ZNF560: variants seen among roughly 807,000 people sequenced by gnomAD.
The protein encoded by ZNF560 is zinc finger protein 560.
In ZNF560, 54 loss-of-function variants were observed where a neutral mutation model predicts 81.8. The observed-to-expected ratio is 0.66, with a 90% CI of 0.53 to 0.83. The LOEUF (loss-of-function observed/expected upper bound fraction) is 0.83. Among genes scored for constraint, ZNF560 ranks in the 40% least tolerant of loss-of-function variants. The pLI, the probability that ZNF560 is intolerant of heterozygous loss-of-function variation, is 0.00. For synonymous variants in ZNF560, 321 were observed against 317.9 expected (o/e 1.01, Z -0.10); for missense variants, 940 against 932.4 (o/e 1.01, Z -0.11).
At chr19:9,501,247 C>A (rs1331804444), upstream of ZNF560, among the ~76,000 whole-genome samples, 1 of 146,434 alleles carries the variant, frequency 6.8e-6, no homozygotes, top group Admixed American at 7.0e-5. Flanking sequence ...GCAGTCTTGA[C>A]CACCACAGGC....
upstream of ZNF560, among the ~76,000 whole-genome samples, chr19:9,502,189 A>ATGTTT (rs1008085842): frequency 1.3e-5 from 2 of 150,542 alleles, no homozygotes; most frequent in East Asian, 3.9e-4. Flanking sequence ...GTGTTCTCTC[A>ATGTTT]TGTTTTGTTT....
chr19:9,474,697 C>T (rs1342606366), intron 3 of ZNF560, among the ~76,000 whole-genome samples: 1 of 151,964 alleles, frequency 6.6e-6, no homozygotes. Context: ...CTTGCTCTGT[C>T]ACGTAGGCTG....
At chr19:9,463,447 A>T (rs1479111177), downstream of ZNF560, among the ~76,000 whole-genome samples, 1 of 152,178 alleles carries the variant, frequency 6.6e-6, no homozygotes, top group Non-Finnish European at 1.5e-5. Context: ...TTTCAGGAAT[A>T]ACCTATAGGT....
chr19:9,450,703 T>G, the ZNF560 span, among the ~76,000 whole-genome samples: 1 of 152,168 alleles, frequency 6.6e-6, no homozygotes, highest in Non-Finnish European at 1.5e-5. Flanking sequence ...ATAATTTTTA[T>G]ATTTTTAGTA....
At chr19:9,498,914 T>C (rs1460000666), upstream of ZNF560, 4 of 152,268 alleles carry the variant, frequency 2.6e-5, no homozygotes, top group Non-Finnish European at 4.4e-5. Context: ...CGTCGGGCGA[T>C]GGACTCGCCC....
chr19:9,474,175 T>C, intron 4 of ZNF560, 24 bp downstream of exon 4: 1 of 1,613,852 alleles, frequency 6.2e-7, no homozygotes, highest in Non-Finnish European at 8.5e-7. Flanking sequence ...CCTAAGAGGC[T>C]GCATAAAATG....
intron 2 of ZNF560, among the ~76,000 whole-genome samples, chr19:9,489,249 G>A (rs971925872): frequency 5.3e-5 from 8 of 151,708 alleles, no homozygotes; most frequent in Non-Finnish European, 7.4e-5. Context: ...ACAGTGGGGC[G>A]GCCAGGCAGA....
At chr19:9,449,766 C>T in the ZNF560 span, among the ~76,000 whole-genome samples, 5 of 151,556 alleles carry the variant, frequency 3.3e-5, no homozygotes, top group East Asian at 1.9e-4. Context: ...GTGAGGAGTT[C>T]GAGACCATCC....
At chr19:9,502,778 T>C (rs1188583410), upstream of ZNF560, among the ~76,000 whole-genome samples, 3 of 152,216 alleles carry the variant, frequency 2.0e-5, no homozygotes, top group Non-Finnish European at 4.4e-5. Context: ...ATAATCTTTA[T>C]TTCTGAATAG....
upstream of ZNF560, among the ~76,000 whole-genome samples, chr19:9,502,168 GA>G (rs144067150): frequency 0.11 from 15,810 of 147,782 alleles, 969 homozygotes; most frequent in South Asian, 0.2. Context: ...AAGAAAAAAA[GA>G]AAAAAAAAAG....
At chr19:9,496,478 C>G (rs1439311344) in intron 2 of ZNF560, among the ~76,000 whole-genome samples, 1 of 151,072 alleles carries the variant, frequency 6.6e-6, no homozygotes, top group South Asian at 2.1e-4. Flanking sequence ...CCTGCCTCAG[C>G]CTCCCAAAGT....
the ZNF560 span, among the ~76,000 whole-genome samples, chr19:9,505,563 T>C: frequency 6.6e-6 from 1 of 152,278 alleles, no homozygotes; most frequent in African/African-American, 2.4e-5. Flanking sequence ...CATTTTGCTA[T>C]ATGTGTTCTG....
In ZNF560 at chr19:9,474,284, C is replaced by A; in HGVS notation, c.72G>T (p.Gln24His). The A allele has an allele frequency of 6.2e-7, 1 of 1,614,126 alleles. No homozygotes were observed. The stretch of plus-strand genomic sequence containing the variant: ...CTGGGTCCAGTAAAATCCACTCCTC[C>A]TGGGTGAAGTCCACAGCTGTATCCT... ...TFEDTAVDFT[Q>H]EEWILLDPVQ... Residue 24 changes from glutamine to histidine, a missense_variant, in exon 4 of 10, where the codon CAG becomes CAT. Gln to His is a conservative substitution (Grantham distance 24, BLOSUM62 0). Transcript: ENST00000301480.
chr19:9,455,817 A>G, the ZNF560 span, among the ~76,000 whole-genome samples: 1 of 152,094 alleles, frequency 6.6e-6, no homozygotes, highest in Non-Finnish European at 1.5e-5. Flanking sequence ...GCATAAAGCT[A>G]CTCTGTTAAT....
At position 9,498,223 on chromosome 19, in the gene ZNF560, A is replaced by T. The variant is rs1194798259; in HGVS notation, c.-144-8T>A. 1.6e-4 allele frequency: 24 copies of T among 152,222 alleles called. No individual in the cohort carries two copies. Among genetic ancestry groups the T allele is most frequent in the Non-Finnish European group, 1.5e-5 (1 of 68,036 alleles). 9.4% of individuals were successfully genotyped at this position (152,222 alleles called of 1,614,324 possible). On this transcript the variant is annotated splice_polypyrimidine_tract_variant and splice_region_variant and intron_variant, in intron 1 of 9. Coordinates refer to ENST00000301480, the MANE Select transcript of ZNF560 (RefSeq NM_152476.3). ...GGCAAAATTCTTTTCCCTCTGAAACACAATTCACAAACGTTGCCTTGGAGA... is the reference window on the plus strand; with the variant it reads ...GGCAAAATTCTTTTCCCTCTGAAACTCAATTCACAAACGTTGCCTTGGAGA...
At chr19:9,497,168 T>C (rs2073573076) in intron 2 of ZNF560, among the ~76,000 whole-genome samples, 2 of 151,806 alleles carry the variant, frequency 1.3e-5, no homozygotes, top group African/African-American at 2.4e-5. Context: ...TCCAAAAACA[T>C]TCCGTTATAT....
intron 2 of ZNF560, among the ~76,000 whole-genome samples, chr19:9,490,117 AT>A (rs962604817): frequency 2.6e-5 from 4 of 152,204 alleles, no homozygotes; most frequent in African/African-American, 9.6e-5. Flanking sequence ...GTTGCACTGA[AT>A]TTATCACATG....
chr19:9,452,481 C>CA, the ZNF560 span, among the ~76,000 whole-genome samples: 1 of 152,062 alleles, frequency 6.6e-6, no homozygotes, highest in African/African-American at 2.4e-5. Context: ...TTCACAATGG[C>CA]AAAGACATGG....
Position 9,468,412 on chromosome 19 carries a change from A to G in ZNF560, c.613-78T>C, listed in dbSNP as rs943226392. On this transcript the variant is annotated intron_variant, in intron 9 of 9. Transcript: ENST00000301480. ...AGATACCACTCTTCTAAGAAACATG[A>G]TAATTATTATTTTTGCCACTTTTAT... 2.4e-5 allele frequency: 28 copies of G among 1,156,060 alleles called. No homozygotes were observed. In the Admixed American group the frequency reaches 5.3e-4, roughly 22 times the overall value. The allele number at this position is 1,156,060 out of a possible 1,614,324, so 71.6% of individuals were successfully genotyped here. A position where few individuals can be genotyped will look rare whatever the true frequency, so the allele number is the denominator to read the frequency against.
Sources: allele counts gnomAD v4.1 joint callset (sites outside exome capture counted in the v4.1 genomes callset), GRCh38; gene constraint gnomAD v4.1.1; transcripts MANE v1.5; gene names NCBI Gene and HGNC (gene_info 2026-07-23, HGNC 2026-07-21).